PPARGC1A: variants seen among roughly 807,000 people sequenced by gnomAD.
PPARGC1A encodes peroxisome proliferator-activated receptor gamma coactivator 1-alpha.
In PPARGC1A, 25 loss-of-function variants were observed where a neutral mutation model predicts 88.7. That is an observed-to-expected ratio of 0.28 (90% confidence interval 0.21 to 0.39). The LOEUF is 0.39. PPARGC1A is among the 10% of genes least tolerant of loss of function. PPARGC1A has a pLI of 1.00. For synonymous variants in PPARGC1A, 363 were observed against 355.6 expected (o/e 1.02, Z -0.24); for missense variants, 880 against 968.7 (o/e 0.91, Z 1.22).
the PPARGC1A span, among the ~76,000 whole-genome samples, chr4:24,124,792 T>C: frequency 1.3e-5 from 2 of 152,152 alleles, no homozygotes; most frequent in East Asian, 1.9e-4. Flanking sequence ...TCATATTCAA[T>C]CTATGATGGG....
the PPARGC1A span, among the ~76,000 whole-genome samples, chr4:24,410,805 T>C: frequency 6.6e-6 from 1 of 152,182 alleles, no homozygotes; most frequent in Non-Finnish European, 1.5e-5. Context: ...CTTTTGGACT[T>C]TTGGACTTAC....
chr4:24,372,375 C>A, the PPARGC1A span, among the ~76,000 whole-genome samples: 1 of 152,182 alleles, frequency 6.6e-6, no homozygotes, highest in African/African-American at 2.4e-5. Flanking sequence ...TTCCTGTGTG[C>A]TAGGCATTTG....
the PPARGC1A span, among the ~76,000 whole-genome samples, chr4:24,312,289 C>T: frequency 1.8e-4 from 28 of 152,284 alleles, no homozygotes; most frequent in Admixed American, 1.6e-3. Context: ...CTTTAGCCTC[C>T]GTCACCAAAC....
chr4:24,072,754 C>T, the PPARGC1A span, among the ~76,000 whole-genome samples: 2 of 152,094 alleles, frequency 1.3e-5, no homozygotes, highest in African/African-American at 4.8e-5. Flanking sequence ...GAAAACAGAG[C>T]TTTAATGGAA....
At chr4:24,090,061 C>T in the PPARGC1A span, among the ~76,000 whole-genome samples, 2 of 152,182 alleles carry the variant, frequency 1.3e-5, no homozygotes, top group Admixed American at 6.5e-5. Context: ...AACATTTTAT[C>T]CACAGAGATG....
chr4:23,814,739 A>G (rs1721639748), intron 7 of PPARGC1A, 134 bp from the exon 8 acceptor site: 3 of 847,722 alleles, frequency 3.5e-6, no homozygotes, highest in South Asian at 2.2e-5. Flanking sequence ...AGTGAAGAAG[A>G]AGGAAACTAA....
chr4:24,018,667 C>T, the PPARGC1A span, among the ~76,000 whole-genome samples: 3 of 152,158 alleles, frequency 2.0e-5, no homozygotes, highest in African/African-American at 4.8e-5. Context: ...TGTTCCTGAT[C>T]TTTCATCTCT....
At chr4:24,275,520 A>G in the PPARGC1A span, among the ~76,000 whole-genome samples, 2 of 152,360 alleles carry the variant, frequency 1.3e-5, no homozygotes, top group African/African-American at 4.8e-5. Context: ...AATTTTAGAG[A>G]AAGCACGATA....
upstream of PPARGC1A, among the ~76,000 whole-genome samples, chr4:23,901,424 G>C (rs1719356441): frequency 6.8e-6 from 1 of 146,014 alleles, no homozygotes. Flanking sequence ...TGCGCCTATA[G>C]TCCCAGCTAC....
chr4:24,000,347 TC>T, the PPARGC1A span, among the ~76,000 whole-genome samples: 1 of 152,120 alleles, frequency 6.6e-6, no homozygotes, highest in Non-Finnish European at 1.5e-5. Context: ...CCTTGCAATT[TC>T]ATTTGCCTCG....
the PPARGC1A span, among the ~76,000 whole-genome samples, chr4:24,333,934 CAACAACAAAA>C: frequency 2.1e-4 from 3 of 14,158 alleles, no homozygotes; most frequent in African/African-American, 2.9e-4. Context: ...ACTCCAACAA[CAACAACAAAA>C]AAAAAAAAAA....
the PPARGC1A span, among the ~76,000 whole-genome samples, chr4:24,365,837 C>T: frequency 6.6e-6 from 1 of 152,142 alleles, no homozygotes; most frequent in African/African-American, 2.4e-5. Flanking sequence ...GCCTCCTATG[C>T]ACATTCACGA....
chr4:23,991,478 C>T, the PPARGC1A span, among the ~76,000 whole-genome samples: 1 of 152,012 alleles, frequency 6.6e-6, no homozygotes, highest in Admixed American at 6.6e-5. Flanking sequence ...GGCTCCTCCA[C>T]TCTGATTGCA....
the PPARGC1A span, among the ~76,000 whole-genome samples, chr4:24,455,017 G>C: frequency 6.6e-6 from 1 of 152,252 alleles, no homozygotes; most frequent in African/African-American, 2.4e-5. Flanking sequence ...AGAGGAAACC[G>C]ATGAAATACA....
chr4:23,880,855 T>C (rs1218787095), intron 2 of PPARGC1A: 2 of 152,176 alleles, frequency 1.3e-5, no homozygotes, highest in South Asian at 2.1e-4. Flanking sequence ...TCAGAACGTA[T>C]TACAAGTAAT....
chr4:23,889,304 G>C (rs752759220), intron 1 of PPARGC1A: 9 of 985,268 alleles, frequency 9.1e-6, no homozygotes, highest in Non-Finnish European at 1.1e-5. Context: ...CTTTTTATTC[G>C]CTGGCCAAAT....
At chr4:24,086,182 T>C in the PPARGC1A span, among the ~76,000 whole-genome samples, 8 of 152,192 alleles carry the variant, frequency 5.3e-5, no homozygotes, top group East Asian at 5.8e-4. Flanking sequence ...CACCCCATCA[T>C]CAGCCCAGAG....
the PPARGC1A span, among the ~76,000 whole-genome samples, chr4:24,010,429 C>T: frequency 1.3e-5 from 2 of 152,220 alleles, no homozygotes; most frequent in Non-Finnish European, 1.5e-5. Flanking sequence ...TTCCCTCACT[C>T]GCTCCCCGGA....
chr4:24,179,394 C>T, the PPARGC1A span, among the ~76,000 whole-genome samples: 1 of 152,162 alleles, frequency 6.6e-6, no homozygotes, highest in Non-Finnish European at 1.5e-5. Context: ...TCTGACCTGG[C>T]CTTGGGACTT....
Sources: allele counts gnomAD v4.1 joint callset (sites outside exome capture counted in the v4.1 genomes callset), GRCh38; gene constraint gnomAD v4.1.1; transcripts MANE v1.5; gene names NCBI Gene and HGNC (gene_info 2026-07-23, HGNC 2026-07-21).